RFX5: variants seen among roughly 807,000 people sequenced by gnomAD.
The protein encoded by RFX5 is regulatory factor X5, also known as DNA-binding protein RFX5.
In RFX5, 30 loss-of-function variants were observed where a neutral mutation model predicts 41.2. The observed-to-expected ratio is 0.73, with a 90% CI of 0.54 to 0.99. The LOEUF is 0.99. Ranked by LOEUF, RFX5 falls within the 50% of genes least tolerant of loss-of-function variation. The probability of loss-of-function intolerance (pLI) is 0.00; values close to 1 mark genes in which losing one functional copy is unlikely to be tolerated. For synonymous variants in RFX5, 231 were observed against 291.8 expected (o/e 0.79, Z 2.12); for missense variants, 715 against 773.6 (o/e 0.92, Z 0.90).
At position 151,343,345 on chromosome 1, in the gene RFX5, G is replaced by C. The variant is rs1650681351; in HGVS notation, c.855C>G (p.Ala285=). 1.9e-6 allele frequency: 3 copies of C among 1,612,806 alleles called. No homozygotes were observed. Among genetic ancestry groups the C allele is most frequent in the Non-Finnish European group, 2.5e-6 (3 of 1,179,918 alleles). ...TCAGGGCCACTGACTTCCTTACCTGGGCCAGTCTCTCTGGCTTCTTGTGGG... is the reference window on the plus strand; with the variant it reads ...TCAGGGCCACTGACTTCCTTACCTGCGCCAGTCTCTCTGGCTTCTTGTGGG... The part of the protein sequence containing the change: ...GGAHKKPERL[A]QPPKDLEART... The change falls in exon 10 of 11, where the codon GCC becomes GCG. Residue 285 remains alanine (A), a synonymous_variant. Coordinates refer to ENST00000452671, the MANE Select transcript of RFX5 (RefSeq NM_001025603.2).
intron 5 of RFX5, 110 bp downstream of exon 5, chr1:151,344,994 CCT>C: frequency 6.5e-7 from 1 of 1,538,678 alleles, no homozygotes; most frequent in Non-Finnish European, 9.0e-7. Context: ...GAGGACCTTT[CCT>C]CTTCATCAAG....
chr1:151,346,559 C>T lies in RFX5; in HGVS notation c.-84G>A. ...ATATGCCCAAAGAGATCTTTGCCATCTCCATTCTATCTGCCCCACCTTTCT... is the reference window on the plus strand; with the variant it reads ...ATATGCCCAAAGAGATCTTTGCCATTTCCATTCTATCTGCCCCACCTTTCT... On this transcript the variant is annotated 5_prime_UTR_variant, in exon 2 of 11. Transcript: ENST00000452671. 2.0e-6 allele frequency: 1 copy of T among 509,020 alleles called. No homozygotes were observed. The allele number at this position is 509,020 out of a possible 1,614,324, so 31.5% of individuals were successfully genotyped here.
At position 151,343,720 on chromosome 1, in the gene RFX5, A is replaced by G. The variant is rs750491331; in HGVS notation, c.718T>C (p.Ser240Pro). Residue 240 changes from serine to proline, a missense_variant, in exon 9 of 11, where the codon TCT becomes CCT. Transcript: ENST00000452671. Reference protein sequence around the residue: ...LLQQHLISARSAHAHVLKAMG... With the variant: ...LLQQHLISARPAHAHVLKAMG... ...GCCTTAAGCACATGGGCATGTGCAG[A>G]TCGGGCAGAGATGAGATGCTGCTGT... 1.2e-6 allele frequency: 2 copies of G among 1,614,006 alleles called. No individual in the cohort carries two copies. The highest frequency in any genetic ancestry group is 1.7e-6 in the Non-Finnish European group (2 of 1,180,046).
chr1:151,344,305 A>T lies in RFX5; in HGVS notation c.474-27T>A. ...TGATGCAAGTTAAAGAGCAGCCAAC[A>T]CATGGCGATCTCCAAGCCCCTCGAG... On this transcript the variant is annotated intron_variant, in intron 7 of 10. Transcript: ENST00000452671. The T allele has an allele frequency of 1.9e-6, 3 of 1,613,954 alleles. No individual in the cohort carries two copies. In the East Asian group the frequency reaches 6.7e-5, roughly 36 times the overall value.
At chr1:151,346,119 G>A in intron 3 of RFX5, 86 bp downstream of exon 3, 1 of 1,553,438 alleles carries the variant, frequency 6.4e-7, no homozygotes, top group South Asian at 1.1e-5. Flanking sequence ...CTTGCTGAGA[G>A]GCAGTTCATC....
In RFX5 at chr1:151,344,383, G is replaced by T; in HGVS notation, c.473+34C>A. ...TCCACATCCTAAGTCTTCCTCCCAG[G>T]TCCTCCACCCCCAACCTCTCTAGTC... On this transcript the variant is annotated intron_variant, in intron 7 of 10. Coordinates refer to ENST00000452671, the MANE Select transcript of RFX5 (RefSeq NM_001025603.2). The T allele has an allele frequency of 3.1e-6, 5 of 1,614,124 alleles. No individual in the cohort carries two copies. The East Asian group carries it at 1.1e-4, about 36-fold the overall frequency.
rs1322609309 is a variant in RFX5, at chr1:151,342,361, G to A, written c.1676C>T (p.Pro559Leu). 7.4e-6 allele frequency: 12 copies of A among 1,614,038 alleles called. No individual in the cohort carries two copies. The highest frequency in any genetic ancestry group is 8.5e-6 in the Non-Finnish European group (10 of 1,180,036). The change falls in exon 11 of 11, where the codon CCC becomes CTC. Residue 559 changes from proline to leucine, a missense_variant. By Grantham distance (98) the Pro-to-Leu change is moderately conservative. Transcript: ENST00000452671. ...GACACTCACTTTTGAGGGGACCAAG[G>A]GAATTTTATCTTCTGCTTCTTTGGT... ...QHTKEAEDKI[P>L]LVPSKVSVIK...
chr1:151,343,984 C>G (rs1411862717), intron 8 of RFX5, 102 bp from the exon 9 acceptor site: 1 of 1,327,080 alleles, frequency 7.5e-7, no homozygotes, highest in African/African-American at 1.5e-5. Context: ...TGAGACCAGA[C>G]TGGGGATGGG....
At position 151,346,502 on chromosome 1, in the gene RFX5, T is replaced by C; in HGVS notation, c.-27A>G. 1.7e-6 allele frequency: 1 copy of C among 596,568 alleles called. No individual in the cohort carries two copies. Among genetic ancestry groups the C allele is most frequent in the South Asian group, 2.0e-5 (1 of 50,664 alleles). The allele number at this position is 596,568 out of a possible 1,614,324, so 37.0% of individuals were successfully genotyped here. On this transcript the variant is annotated 5_prime_UTR_variant, in exon 2 of 11. Coordinates refer to ENST00000452671, the MANE Select transcript of RFX5 (RefSeq NM_001025603.2). ...CTCACCACTTGCCTTCTCCGAAAAT[T>C]AGAAATTATTCCATTACTTCGCCAG... is the stretch of plus-strand genomic sequence containing the variant.
chr1:151,345,299 G>A (rs866167028), intron 4 of RFX5, 111 bp from the exon 5 acceptor site: 1 of 837,986 alleles, frequency 1.2e-6, no homozygotes, highest in Non-Finnish European at 2.0e-6. Flanking sequence ...GTGTCAGACT[G>A]AAAAAGGACC....
chr1:151,346,330 A>T lies in RFX5; in HGVS notation c.-10T>A. Reference sequence around the variant, plus strand: ...GCTCATCTTCTGCCATCCCGGCATGAGGGCTAGAATTGAGAGGGACAGGCA... The same window carrying T: ...GCTCATCTTCTGCCATCCCGGCATGTGGGCTAGAATTGAGAGGGACAGGCA... On this transcript the variant is annotated 5_prime_UTR_variant, in exon 3 of 11. Transcript: ENST00000452671. The T allele has an allele frequency of 6.2e-7, 1 of 1,612,992 alleles. No homozygotes were observed. Among genetic ancestry groups the T allele is most frequent in the Non-Finnish European group, 8.5e-7 (1 of 1,179,114 alleles).
chr1:151,343,506 A>T, intron 9 of RFX5, 64 bp from the exon 10 acceptor site: 3 of 1,523,968 alleles, frequency 2.0e-6, no homozygotes, highest in Non-Finnish European at 2.7e-6. Flanking sequence ...TAGGGGAGTG[A>T]GGCAATTCTG....
At position 151,344,230 on chromosome 1, in the gene RFX5, G is replaced by T; in HGVS notation, c.522C>A (p.Pro174=). ...AACCCTTTAGGTCAAGTCCAGGCAG[G>T]GGTGGCATAGACACCAAGGTCTTCC... ...IRRKTLVSMP[P]LPGLDLKGSE... The change falls in exon 8 of 11, where the codon CCC becomes CCA. Residue 174 remains proline, a synonymous_variant. Coordinates refer to ENST00000452671, the MANE Select transcript of RFX5 (RefSeq NM_001025603.2). The T allele has an allele frequency of 6.2e-7, 1 of 1,614,206 alleles. No homozygotes were observed. Among genetic ancestry groups the T allele is most frequent in the South Asian group, 1.1e-5 (1 of 91,074 alleles).
Position 151,343,136 on chromosome 1 carries a change from C to A in RFX5, c.901G>T (p.Ala301Ser). The A allele has an allele frequency of 6.2e-7, 1 of 1,611,898 alleles. No individual in the cohort carries two copies. The highest frequency in any genetic ancestry group is 8.5e-7 in the Non-Finnish European group (1 of 1,180,024). ...LEARTGAGPL[A>S]RGERKKSVVE... Reference sequence around the variant, plus strand: ...ACACTCTTCTTCCGCTCTCCACGTGCGAGAGGACCGGCCCCAGTTCGGGCT... The same window carrying A: ...ACACTCTTCTTCCGCTCTCCACGTGAGAGAGGACCGGCCCCAGTTCGGGCT... The change falls in exon 11 of 11, where the codon GCA (alanine) becomes TCA (serine). Residue 301 changes from alanine (A) to serine (S), a missense_variant. By Grantham distance (99) the Ala-to-Ser change is moderately conservative. Transcript: ENST00000452671.
Position 151,342,913 on chromosome 1 carries a change from G to A in RFX5, c.1124C>T (p.Pro375Leu). Residue 375 changes from proline (P) to leucine (L), a missense_variant, in exon 11 of 11, where the codon CCA (proline) becomes CTA (leucine). Physicochemically the swap from Pro to Leu is moderately conservative, Grantham distance 98. Coordinates refer to ENST00000452671, the MANE Select transcript of RFX5 (RefSeq NM_001025603.2). ...LPLSSRAGAP[P>L]AAVPIINMIL... ...CATGTTAATGATGGGCACAGCTGCT[G>A]GGGGTGCCCCGGCCCTACTAGACAG... 6.2e-7 allele frequency: 1 copy of A among 1,614,154 alleles called. No homozygotes were observed. Among genetic ancestry groups the A allele is most frequent in the Middle Eastern group, 1.6e-4 (1 of 6,062 alleles).
At chr1:151,345,325 C>T in intron 4 of RFX5, 137 bp from the exon 5 acceptor site, 2 of 714,430 alleles carry the variant, frequency 2.8e-6, no homozygotes, top group Non-Finnish European at 4.9e-6. Context: ...AATTATTTGA[C>T]AAGGCCGGGC....
At position 151,341,808 on chromosome 1, in the gene RFX5, A is replaced by T; in HGVS notation, c.*378T>A. The T allele has an allele frequency of 8.0e-6, 3 of 374,042 alleles. No homozygotes were observed. Among genetic ancestry groups the T allele is most frequent in the Non-Finnish European group, 1.0e-5 (2 of 194,186 alleles). 23.2% of individuals were successfully genotyped at this position (374,042 alleles called of 1,614,324 possible). A position where few individuals can be genotyped will look rare whatever the true frequency, so the allele number is the denominator to read the frequency against. ...CACCTGGAGCCAGCACTACCTATGG[A>T]CTTTCTAGTTACATGAACCAATAAA... On this transcript the variant is annotated 3_prime_UTR_variant, in exon 11 of 11. Coordinates refer to ENST00000452671, the MANE Select transcript of RFX5 (RefSeq NM_001025603.2).
In RFX5 at chr1:151,341,620, A is replaced by C. The variant is rs1650452347; in HGVS notation, c.*566T>G. 1 of 234,576 alleles carries C rather than the reference A, an allele frequency of 4.3e-6. No homozygotes were observed. The highest frequency in any genetic ancestry group is 8.5e-6 in the Non-Finnish European group (1 of 117,452). The allele number at this position is 234,576 out of a possible 1,614,324, so 14.5% of individuals were successfully genotyped here. A position where few individuals can be genotyped will look rare whatever the true frequency, so the allele number is the denominator to read the frequency against. ...TTTTGCTGAGATTTCTGGTACAAAGATGCCTTCTTTTTCTGATTGGACATA... is the reference window on the plus strand; with the variant it reads ...TTTTGCTGAGATTTCTGGTACAAAGCTGCCTTCTTTTTCTGATTGGACATA... On this transcript the variant is annotated 3_prime_UTR_variant, in exon 11 of 11. Transcript: ENST00000452671.
At chr1:151,345,481 G>T in intron 4 of RFX5, 2 of 375,586 alleles carry the variant, frequency 5.3e-6, no homozygotes, top group South Asian at 4.4e-5. Context: ...GTGTGGTGAC[G>T]GGCGCCTGTA....
Sources: allele counts gnomAD v4.1 joint callset, GRCh38; gene constraint gnomAD v4.1.1; transcripts MANE v1.5; gene names NCBI Gene and HGNC (gene_info 2026-07-23, HGNC 2026-07-21).